Variants in PLCH2 observed in about 807,000 individuals in gnomAD.
The protein encoded by PLCH2 is phospholipase C eta 2.
A neutral mutation model predicts 134.7 loss-of-function variants in PLCH2; 98 were observed. That is an observed-to-expected ratio of 0.73 (90% CI 0.62 to 0.86). The LOEUF is 0.86. PLCH2 is among the 40% of genes least tolerant of loss of function. PLCH2 has a pLI of 0.00. For missense variants in PLCH2, 1,994 were observed against 1,986.6 expected, an observed-to-expected ratio of 1.00 and a Z score of -0.07; for synonymous variants, 974 against 827.5, an observed-to-expected ratio of 1.18 and a Z score of -3.04.
intron 2 of PLCH2, among the ~76,000 whole-genome samples, chr1:2,431,297 T>A (rs1026977300): frequency 6.6e-6 from 1 of 151,582 alleles, no homozygotes; most frequent in African/African-American, 2.4e-5. Context: ...CGTGAGGGTC[T>A]GCACCTGTGC....
Position 2,498,210 on chromosome 1 carries a change from ACT to A in PLCH2, c.2225-312_2225-311del, listed in dbSNP as rs1050258505. 2.5e-4 allele frequency: 94 copies of A among 382,264 alleles called. No homozygotes were observed. Among genetic ancestry groups the A allele is most frequent in the African/African-American group, 1.9e-3 (93 of 48,710 alleles). 23.7% of individuals were successfully genotyped at this position (382,264 alleles called of 1,614,324 possible). A position where few individuals can be genotyped will look rare whatever the true frequency, so the allele number is the denominator to read the frequency against. On this transcript the variant is annotated intron_variant, in intron 16 of 21. Transcript: ENST00000378486. This position sits in a 1 kb window ranked among gnomAD's most constrained non-coding sequence, Gnocchi z 5.4. ...CTCAGCCTGAGTGGGCCCTGGGGACACTGTCACCAGAGACCCCACCCCTCATA... is the reference window on the plus strand; with the variant it reads ...CTCAGCCTGAGTGGGCCCTGGGGACAGTCACCAGAGACCCCACCCCTCATA...
At chr1:2,432,576 AGGC>A (rs1639119078) in intron 2 of PLCH2, among the ~76,000 whole-genome samples, 3 of 152,208 alleles carry the variant, frequency 2.0e-5, no homozygotes, top group Admixed American at 2.0e-4. Context: ...CCCATGGCAC[AGGC>A]TGGGGTGTGC....
intron 2 of PLCH2, among the ~76,000 whole-genome samples, chr1:2,440,409 G>A (rs758264834): frequency 5.2e-4 from 78 of 149,198 alleles, no homozygotes; most frequent in African/African-American, 1.9e-3. Context: ...CATGTCTGTC[G>A]CTGGCCTTGC....
At position 2,496,835 on chromosome 1, in the gene PLCH2, C is replaced by G. The variant is rs755626022; in HGVS notation, c.1941C>G (p.Ser647=). 3.7e-6 allele frequency: 6 copies of G among 1,611,846 alleles called. No individual in the cohort carries two copies. The highest frequency in any genetic ancestry group is 3.4e-6 in the Non-Finnish European group (4 of 1,178,960). ...ATHDIEMEAA[S]SWQVSSFSET... ...CGGTCACCGGCGCCACAGCGGCGTC[C>G]AGCTGGCAGGTGTCGTCCTTCAGCG... is the stretch of plus-strand genomic sequence containing the variant. The change falls in exon 15 of 22, where the codon TCC becomes TCG. Residue 647 remains serine, a synonymous_variant. Transcript: ENST00000378486.
Position 2,498,977 on chromosome 1 carries a change from AGCACCGGGAGTG to A in PLCH2, c.2435-102_2435-91del, listed in dbSNP as rs1267294630. The A allele has an allele frequency of 1.4e-6, 2 of 1,426,596 alleles. No homozygotes were observed. The highest frequency in any genetic ancestry group is 1.4e-5 in the African/African-American group (1 of 70,852). 88.4% of individuals were successfully genotyped at this position (1,426,596 alleles called of 1,614,324 possible). A position where few individuals can be genotyped will look rare whatever the true frequency, so the allele number is the denominator to read the frequency against. On this transcript the variant is annotated intron_variant, in intron 18 of 21. Transcript: ENST00000378486. The surrounding 1 kb of genome is among the most constrained non-coding windows in gnomAD (Gnocchi z 5.4). ...CCTCTAGGTGGGCAGTCCCGGAAGC[AGCACCGGGAGTG>A]GCACTGGGAGTGGTGTGGGCCGGGG...
intron 1 of PLCH2, among the ~76,000 whole-genome samples, chr1:2,428,087 G>A (rs1407915569): frequency 1.3e-5 from 2 of 152,202 alleles, no homozygotes; most frequent in Non-Finnish European, 2.9e-5. Flanking sequence ...ATTCAATGGG[G>A]ACAGGGTCCA....
chr1:2,433,771 C>G (rs1361211611), intron 2 of PLCH2, among the ~76,000 whole-genome samples: 1 of 152,260 alleles, frequency 6.6e-6, no homozygotes, highest in Non-Finnish European at 1.5e-5. Context: ...CCATCCACCT[C>G]TCCCCGCTCC....
chr1:2,434,078 C>T (rs1639201849), intron 2 of PLCH2, among the ~76,000 whole-genome samples: 1 of 152,228 alleles, frequency 6.6e-6, no homozygotes, highest in Admixed American at 6.5e-5. Context: ...TGGCGGGTCT[C>T]CCGTTGTTTC....
At chr1:2,460,310 C>T (rs1338908696) in intron 2 of PLCH2, among the ~76,000 whole-genome samples, 1 of 152,292 alleles carries the variant, frequency 6.6e-6, no homozygotes, top group African/African-American at 2.4e-5. Flanking sequence ...AGACCAGAAG[C>T]CCTCTGGGTG....
At chr1:2,462,889 G>C (rs547756663), upstream of PLCH2, among the ~76,000 whole-genome samples, 64 of 152,306 alleles carry the variant, frequency 4.2e-4, no homozygotes, top group Middle Eastern at 0.02. Context: ...CTGGCCCTTC[G>C]AGGCCCCCAC....
At chr1:2,494,394 T>C (rs1418158145) in intron 11 of PLCH2, 2 of 184,252 alleles carry the variant, frequency 1.1e-5, no homozygotes, top group African/African-American at 4.8e-5. Flanking sequence ...TGGAGCCGTG[T>C]GTCTGATTAG....
chr1:2,467,301 C>T (rs1439915978), upstream of PLCH2, among the ~76,000 whole-genome samples: 1 of 152,148 alleles, frequency 6.6e-6, no homozygotes, highest in African/African-American at 2.4e-5. Context: ...GCTCAGCTCC[C>T]GCCAGAGACC....
chr1:2,491,338 A>G lies in PLCH2; in HGVS notation c.1659+3A>G. On this transcript the variant is annotated splice_donor_region_variant and intron_variant, in intron 11 of 21. Coordinates refer to ENST00000378486, the MANE Select transcript of PLCH2 (RefSeq NM_014638.4). ...CATCTGGAAAGCTCGGACGCAAGGT[A>G]GAGGCCAAAAAGGTGACACCCCTGA... The G allele has an allele frequency of 1.2e-6, 2 of 1,611,704 alleles. No homozygotes were observed. The highest frequency in any genetic ancestry group is 2.2e-5 in the East Asian group (1 of 44,866).
upstream of PLCH2, among the ~76,000 whole-genome samples, chr1:2,421,499 C>T (rs1244331070): frequency 6.6e-6 from 1 of 152,178 alleles, no homozygotes; most frequent in Non-Finnish European, 1.5e-5. Context: ...TTATTTCTAG[C>T]TTACTGTGAT....
chr1:2,489,868 G>A lies in PLCH2; in HGVS notation c.1515+1G>A, dbSNP rs1313584906. 2 of 1,606,582 alleles carry A rather than the reference G, an allele frequency of 1.2e-6. No homozygotes were observed. The highest frequency in any genetic ancestry group is 1.7e-6 in the Non-Finnish European group (2 of 1,173,334). On this transcript the variant is annotated splice_donor_variant, in intron 10 of 21. Coordinates refer to ENST00000378486, the MANE Select transcript of PLCH2 (RefSeq NM_014638.4). LOFTEE classifies it high-confidence loss of function. The stretch of plus-strand genomic sequence containing the variant: ...TGACTGCAAGCTCCTCAATGGGGAT[G>A]TGAGTCGGGCTGGAGGTGGAGGGGG...
Position 2,495,552 on chromosome 1 carries a change from C to A in PLCH2, c.1817C>A (p.Pro606Gln), listed in dbSNP as rs751576339. 2 of 1,549,496 alleles carry A rather than the reference C, an allele frequency of 1.3e-6. No individual in the cohort carries two copies. The highest frequency in any genetic ancestry group is 2.4e-5 in the South Asian group (2 of 83,836). Residue 606 changes from proline to glutamine, a missense_variant, in exon 13 of 22, where the codon CCG becomes CAG. Transcript: ENST00000378486. ...VEEGDEGQDS[P>Q]GGQSRGATRQ... The stretch of plus-strand genomic sequence containing the variant: ...GAGGGAGATGAGGGTCAGGACTCCC[C>A]GGGAGGCCAGAGCCGAGGGTAGGTG...
chr1:2,487,724 T>TGGCTGGGCCTAGCGG lies in PLCH2; in HGVS notation c.1235+13_1235+27dup. 1 of 1,612,196 alleles carries TGGCTGGGCCTAGCGG rather than the reference T, an allele frequency of 6.2e-7. No individual in the cohort carries two copies. The highest frequency in any genetic ancestry group is 2.2e-5 in the East Asian group (1 of 44,878). On this transcript the variant is annotated splice_region_variant and intron_variant, in intron 8 of 21. Transcript: ENST00000378486. Reference sequence around the variant, plus strand: ...TATGCCTTCATCAAGAATGAGTGAGTGGCTGGGCCTAGCGGGGCTGGCCCC... The same window carrying TGGCTGGGCCTAGCGG: ...TATGCCTTCATCAAGAATGAGTGAGTGGCTGGGCCTAGCGGGGCTGGGCCTAGCGGGGCTGGCCCC...
chr1:2,428,595 A>C (rs1260794686), intron 1 of PLCH2, among the ~76,000 whole-genome samples: 1 of 152,192 alleles, frequency 6.6e-6, no homozygotes, highest in Admixed American at 6.5e-5. Flanking sequence ...GTTGTTGCCT[A>C]ATTAGGTTGG....
Position 2,486,860 on chromosome 1 carries a change from C to T in PLCH2, c.817-47C>T, listed in dbSNP as rs967421372. Reference sequence around the variant, plus strand: ...ATGGGGGAGCTGCCTGAGGCTATCCCAGGCCAGGGATGGGCTGCCTGGACT... The same window carrying T: ...ATGGGGGAGCTGCCTGAGGCTATCCTAGGCCAGGGATGGGCTGCCTGGACT... On this transcript the variant is annotated intron_variant, in intron 5 of 21. Coordinates refer to ENST00000378486, the MANE Select transcript of PLCH2 (RefSeq NM_014638.4). The T allele has an allele frequency of 6.8e-6, 10 of 1,481,134 alleles. No homozygotes were observed. The Admixed American group carries it at 1.1e-4, about 17-fold the overall frequency. 91.7% of individuals were successfully genotyped at this position (1,481,134 alleles called of 1,614,324 possible). A position where few individuals can be genotyped will look rare whatever the true frequency, so the allele number is the denominator to read the frequency against.
Sources: allele counts gnomAD v4.1 joint callset (sites outside exome capture counted in the v4.1 genomes callset), GRCh38; gene constraint gnomAD v4.1.1; non-coding constraint Gnocchi (gnomAD v3.1); transcripts MANE v1.5; gene names NCBI Gene and HGNC (gene_info 2026-07-23, HGNC 2026-07-21).